The following THADA variants were observed in gnomAD, a reference collection of about 807,000 sequenced individuals.
The protein encoded by THADA is tRNA (32-2'-O)-methyltransferase regulator THADA.
In THADA, 213 loss-of-function variants were observed where a neutral mutation model predicts 219.8. That is an observed-to-expected ratio of 0.97 (90% CI 0.87 to 1.09). THADA has a LOEUF of 1.09. Ranked by LOEUF, THADA falls within the 50% of genes least tolerant of loss-of-function variation. THADA has a pLI of 0.00. For synonymous variants in THADA, 1,018 were observed against 828.9 expected, an observed-to-expected ratio of 1.23 and a Z score of -3.92; for missense variants, 2,956 against 2,311.3, an observed-to-expected ratio of 1.28 and a Z score of -5.72.
intron 36 of THADA, among the ~76,000 whole-genome samples, chr2:43,239,121 G>A (rs1332964427): frequency 6.6e-6 from 1 of 152,218 alleles, no homozygotes; most frequent in African/African-American, 2.4e-5. Flanking sequence ...TGATGGATCA[G>A]CATTTAGAAT....
At chr2:43,266,323 G>A (rs1389551542) in intron 36 of THADA, among the ~76,000 whole-genome samples, 1 of 152,232 alleles carries the variant, frequency 6.6e-6, no homozygotes, top group African/African-American at 2.4e-5. Flanking sequence ...TGGGCATGGT[G>A]GCTCACGCCT....
intron 26 of THADA, among the ~76,000 whole-genome samples, chr2:43,434,385 G>A (rs1273634229): frequency 6.6e-6 from 1 of 152,160 alleles, no homozygotes; most frequent in South Asian, 2.1e-4. Context: ...CTGTGCCCAC[G>A]GACCTAGGTG....
rs767683104 is a variant in THADA, at chr2:43,556,450, A to C, written c.2569T>G (p.Trp857Gly). Residue 857 changes from tryptophan to glycine, a missense_variant, in exon 17 of 38, where the codon TGG becomes GGG. Coordinates refer to ENST00000405975, the MANE Select transcript of THADA (RefSeq NM_022065.5). Reference protein sequence around the residue: ...TASYLLNFLIWQDALPSSLSA... With the variant: ...TASYLLNFLIGQDALPSSLSA... ...AAGGATGACGGTAGAGCATCCTGCC[A>C]GATTAAGAAGTTCAGCAGGTAGGAA... The C allele has an allele frequency of 6.2e-7, 1 of 1,613,922 alleles. No homozygotes were observed. The highest frequency in any genetic ancestry group is 8.5e-7 in the Non-Finnish European group (1 of 1,179,860).
chr2:43,561,008 C>T (rs1370940940), intron 15 of THADA, among the ~76,000 whole-genome samples: 3 of 122,022 alleles, frequency 2.5e-5, no homozygotes, highest in Non-Finnish European at 4.9e-5. Context: ...CAGAGTGAGA[C>T]TTGGTCTCAA....
intron 7 of THADA, among the ~76,000 whole-genome samples, chr2:43,583,010 C>A (rs1222195336): frequency 6.6e-6 from 1 of 152,146 alleles, no homozygotes; most frequent in African/African-American, 2.4e-5. Flanking sequence ...CTTTATTCCT[C>A]TTCTTTTCTC....
At chr2:43,551,962 C>G in intron 18 of THADA, 37 bp from the exon 19 acceptor site, 1 of 1,578,494 alleles carries the variant, frequency 6.3e-7, no homozygotes. Context: ...ATACTAAAAG[C>G]AAAAATCACA....
At chr2:43,468,873 AT>A (rs1176345304) in intron 26 of THADA, among the ~76,000 whole-genome samples, 1 of 152,180 alleles carries the variant, frequency 6.6e-6, no homozygotes, top group Admixed American at 6.5e-5. Context: ...CCATTTTATG[AT>A]TGACCCTGAG....
chr2:43,503,236 G>A (rs889327683), intron 24 of THADA, among the ~76,000 whole-genome samples: 2 of 152,176 alleles, frequency 1.3e-5, no homozygotes, highest in African/African-American at 2.4e-5. Flanking sequence ...AAACACTCAC[G>A]TGTGTAAGGA....
chr2:43,394,331 A>T (rs1293364167), intron 29 of THADA, among the ~76,000 whole-genome samples: 1 of 152,224 alleles, frequency 6.6e-6, no homozygotes, highest in Non-Finnish European at 1.5e-5. Flanking sequence ...TTCAGAGATC[A>T]GCATATTTCT....
At chr2:43,511,219 G>C (rs1254112817) in intron 22 of THADA, among the ~76,000 whole-genome samples, 1 of 152,102 alleles carries the variant, frequency 6.6e-6, no homozygotes, top group Non-Finnish European at 1.5e-5. Context: ...GAAAAACTAA[G>C]GGGAAGAACG....
At chr2:43,530,571 A>G (rs1216618040) in intron 21 of THADA, among the ~76,000 whole-genome samples, 1 of 152,190 alleles carries the variant, frequency 6.6e-6, no homozygotes, top group Admixed American at 6.6e-5. Flanking sequence ...TAAAAACAGA[A>G]AGTCAATGAG....
intron 25 of THADA, among the ~76,000 whole-genome samples, chr2:43,491,755 C>A (rs1267054597): frequency 2.6e-5 from 4 of 152,098 alleles, no homozygotes; most frequent in African/African-American, 9.7e-5. Flanking sequence ...CAATGAAATT[C>A]CCAAACAACA....
chr2:43,394,457 G>A (rs1308444871), intron 29 of THADA, among the ~76,000 whole-genome samples: 1 of 152,148 alleles, frequency 6.6e-6, no homozygotes, highest in Non-Finnish European at 1.5e-5. Context: ...TTTGTTTTCT[G>A]ATTATGAAAT....
chr2:43,595,240 CTGTT>C (rs1347359959), intron 1 of THADA, among the ~76,000 whole-genome samples: 1 of 152,200 alleles, frequency 6.6e-6, no homozygotes, highest in African/African-American at 2.4e-5. Flanking sequence ...AACCTATGGT[CTGTT>C]TGGGAAGTAA....
intron 15 of THADA, chr2:43,565,976 T>C (rs927819147): frequency 2.0e-5 from 3 of 153,330 alleles, no homozygotes; most frequent in African/African-American, 7.3e-5. Context: ...AAGTCCCAGC[T>C]ACTCGGGAGG....
intron 26 of THADA, among the ~76,000 whole-genome samples, chr2:43,472,749 T>C (rs1233450752): frequency 1.3e-5 from 2 of 152,208 alleles, no homozygotes; most frequent in Non-Finnish European, 2.9e-5. Context: ...CCCTACATGG[T>C]ATAACCCATT....
intron 30 of THADA, among the ~76,000 whole-genome samples, chr2:43,325,219 G>C (rs1370802772): frequency 1.3e-5 from 2 of 152,126 alleles, no homozygotes; most frequent in African/African-American, 4.8e-5. Flanking sequence ...CCAGTGTCTA[G>C]AGGACAGCAG....
rs531167087 is a variant in THADA, at chr2:43,454,968, C to T, written c.3837-24666G>A. Among the ~76,000 whole-genome samples, 30 of 151,594 alleles carry T rather than the reference C, an allele frequency of 2.0e-4. 1 individual carries two copies. In the South Asian group the frequency reaches 6.3e-3, roughly 32 times the overall value. On this transcript the variant is annotated intron_variant, in intron 26 of 37. Coordinates refer to ENST00000405975, the MANE Select transcript of THADA (RefSeq NM_022065.5). ...TCACTTCACAAAATTTTGGAAATGA[C>T]GAGTCTTGGGGTGAATCATTTTTCA...
chr2:43,280,863 C>T (rs1490059759), intron 35 of THADA, among the ~76,000 whole-genome samples: 1 of 152,178 alleles, frequency 6.6e-6, no homozygotes, highest in Admixed American at 6.5e-5. Flanking sequence ...GTCAAAAACA[C>T]AAAGCAATGA....
Sources: gnomAD v4.1 joint callset for allele counts (sites outside exome capture counted in the v4.1 genomes callset) on GRCh38, gnomAD v4.1.1 for gene constraint, MANE v1.5 for transcripts, NCBI Gene and HGNC (gene_info 2026-07-23, HGNC 2026-07-21) for gene names.